The following DPP10 variants were observed in gnomAD, a reference collection of about 807,000 sequenced individuals.
DPP10 encodes dipeptidyl peptidase like 10, also known as inactive dipeptidyl peptidase 10.
A neutral mutation model predicts 120.9 loss-of-function variants in DPP10; 33 were observed. The ratio of observed to expected loss-of-function variants is 0.27; its 90% CI spans 0.21 to 0.37. The LOEUF (loss-of-function observed/expected upper bound fraction) is 0.37, where lower values mean the gene tolerates loss of function less well. Among genes scored for constraint, DPP10 ranks in the 10% least tolerant of loss-of-function variants. The pLI is 1.00. For missense variants in DPP10, 816 were observed against 942.8 expected, an observed-to-expected ratio of 0.87 and a Z score of 1.76; for synonymous variants, 337 against 326.1, an observed-to-expected ratio of 1.03 and a Z score of -0.36.
intron 13 of DPP10, among the ~76,000 whole-genome samples, chr2:115,776,171 C>T (rs1342143713): frequency 6.6e-6 from 1 of 151,994 alleles, no homozygotes; most frequent in African/African-American, 2.4e-5. Context: ...TTGTTTTATA[C>T]TTGAAGCTCT....
chr2:114,904,432 C>G (rs973235606), intron 1 of DPP10, among the ~76,000 whole-genome samples: 50 of 152,160 alleles, frequency 3.3e-4, no homozygotes, highest in African/African-American at 1.2e-3. Flanking sequence ...AATTTCTAGG[C>G]AAAGTGTCAA....
intron 2 of DPP10, among the ~76,000 whole-genome samples, chr2:115,310,880 ACT>A (rs1370035900): frequency 6.6e-6 from 1 of 151,282 alleles, no homozygotes; most frequent in African/African-American, 2.4e-5. Flanking sequence ...TTTCTCTTGA[ACT>A]CTTTTTCTTT....
At chr2:114,868,855 C>A (rs550177048) in intron 1 of DPP10, among the ~76,000 whole-genome samples, 2 of 152,250 alleles carry the variant, frequency 1.3e-5, no homozygotes, top group South Asian at 2.1e-4. Flanking sequence ...TTAGGGTCAA[C>A]CAGAGCTGGC....
intron 3 of DPP10, among the ~76,000 whole-genome samples, chr2:115,375,398 G>A (rs2065717106): frequency 6.6e-6 from 1 of 152,156 alleles, no homozygotes; most frequent in Non-Finnish European, 1.5e-5. Flanking sequence ...CCTCAGCCTG[G>A]AATTCATTAT....
chr2:114,610,459 C>T (rs756623450), intron 1 of DPP10, among the ~76,000 whole-genome samples: 4 of 152,092 alleles, frequency 2.6e-5, no homozygotes. Flanking sequence ...TGTTCCTGAG[C>T]TGCATGAAAG....
intron 7 of DPP10, among the ~76,000 whole-genome samples, chr2:115,714,616 T>A (rs1474752482): frequency 6.6e-6 from 1 of 152,246 alleles, no homozygotes; most frequent in Admixed American, 6.5e-5. Flanking sequence ...TGTCTTTGCC[T>A]TAACATTTGC....
intron 1 of DPP10, among the ~76,000 whole-genome samples, chr2:114,959,217 G>A (rs1471205692): frequency 6.6e-6 from 1 of 152,068 alleles, no homozygotes; most frequent in East Asian, 1.9e-4. Context: ...TTTATGTAAT[G>A]ACCAATTTAA....
intron 7 of DPP10, among the ~76,000 whole-genome samples, chr2:115,709,900 T>TA (rs776300278): frequency 2.3e-4 from 35 of 151,722 alleles, no homozygotes; most frequent in Non-Finnish European, 4.0e-4. Flanking sequence ...CAAAATGCAA[T>TA]AAAAAACACA....
intron 17 of DPP10, among the ~76,000 whole-genome samples, chr2:115,787,590 A>G (rs192245686): frequency 1.3e-5 from 2 of 152,306 alleles, no homozygotes; most frequent in South Asian, 2.1e-4. Context: ...TAAATTAACC[A>G]TAGGCCAGTA....
intron 1 of DPP10, among the ~76,000 whole-genome samples, chr2:114,638,890 C>T (rs969535285): frequency 6.6e-5 from 10 of 151,786 alleles, no homozygotes; most frequent in Admixed American, 3.3e-4. Flanking sequence ...GCAAGTTAGG[C>T]GCCCATGAGT....
chr2:115,840,385 A>G (rs1467900643), intron 24 of DPP10, among the ~76,000 whole-genome samples: 1 of 121,206 alleles, frequency 8.3e-6, no homozygotes, highest in African/African-American at 3.1e-5. Flanking sequence ...CTGTAGTGGC[A>G]CGATCTCTGC....
chr2:115,195,775 T>G (rs1465451955), intron 1 of DPP10, among the ~76,000 whole-genome samples: 1 of 152,176 alleles, frequency 6.6e-6, no homozygotes, highest in African/African-American at 2.4e-5. Context: ...CTTCCCTCAA[T>G]GGCCATGGCA....
At chr2:114,820,905 G>A (rs1357246496) in intron 1 of DPP10, among the ~76,000 whole-genome samples, 1 of 152,186 alleles carries the variant, frequency 6.6e-6, no homozygotes, top group Non-Finnish European at 1.5e-5. Flanking sequence ...TGTCTCCGAT[G>A]AGTGGAGGAA....
intron 2 of DPP10, among the ~76,000 whole-genome samples, chr2:115,343,371 T>C (rs1029678332): frequency 6.6e-6 from 1 of 152,194 alleles, no homozygotes; most frequent in Admixed American, 6.5e-5. Context: ...TCTTTCTGAC[T>C]TGAGAGTTTA....
intron 1 of DPP10, among the ~76,000 whole-genome samples, chr2:115,004,857 G>A (rs939077203): frequency 4.5e-4 from 68 of 152,198 alleles, no homozygotes; most frequent in African/African-American, 1.5e-3. Context: ...GAACTGGGTG[G>A]AGCCCACCAC....
At chr2:115,121,689 C>T (rs2049831911) in intron 1 of DPP10, among the ~76,000 whole-genome samples, 1 of 152,144 alleles carries the variant, frequency 6.6e-6, no homozygotes, top group South Asian at 2.1e-4. Flanking sequence ...AGAGGAGTGT[C>T]CTTACAGCAA....
intron 1 of DPP10, among the ~76,000 whole-genome samples, chr2:114,827,656 T>A (rs1251179256): frequency 6.6e-6 from 1 of 152,184 alleles, no homozygotes; most frequent in Non-Finnish European, 1.5e-5. Context: ...TGTGTGTGCA[T>A]GTACAAGTGT....
intron 1 of DPP10, among the ~76,000 whole-genome samples, chr2:115,115,099 C>T (rs538358454): frequency 1.3e-5 from 2 of 151,754 alleles, no homozygotes; most frequent in African/African-American, 2.4e-5. Context: ...TGCACATATC[C>T]GATATGTGTG....
At chr2:115,383,327 A>G (rs1016471589) in intron 3 of DPP10, among the ~76,000 whole-genome samples, 2 of 152,212 alleles carry the variant, frequency 1.3e-5, no homozygotes, top group African/African-American at 4.8e-5. Flanking sequence ...TTCCCTGCAC[A>G]AGCTCTCTTC....
Sources: gnomAD v4.1 joint callset for allele counts (sites outside exome capture counted in the v4.1 genomes callset) on GRCh38, gnomAD v4.1.1 for gene constraint, MANE v1.5 for transcripts, NCBI Gene and HGNC (gene_info 2026-07-23, HGNC 2026-07-21) for gene names.